The following TM9SF2 variants were observed in gnomAD, a reference collection of about 807,000 sequenced individuals.
TM9SF2 encodes 76 kDa membrane protein.
A neutral mutation model predicts 84.9 loss-of-function variants in TM9SF2; 13 were observed. The observed-to-expected ratio is 0.15, with a 90% CI of 0.10 to 0.24. TM9SF2 has a LOEUF of 0.24. Ranked by LOEUF, TM9SF2 falls within the 10% of genes least tolerant of loss-of-function variation. The pLI is 1.00. For missense variants in TM9SF2, 562 were observed against 818.5 expected (o/e 0.69, Z 3.82); for synonymous variants, 273 against 285.8 (o/e 0.96, Z 0.45).
At chr13:99,557,613 G>C (rs538328235) in intron 15 of TM9SF2, among the ~76,000 whole-genome samples, 6 of 152,240 alleles carry the variant, frequency 3.9e-5, no homozygotes, top group African/African-American at 1.2e-4. Context: ...GAGTGTGGTG[G>C]TTCACGCCTA....
rs1340492124 is a variant in TM9SF2 at position 99,563,455 on chromosome 13, G to A, written c.*697G>A. 1 of 152,118 alleles carries A rather than the reference G, an allele frequency of 6.6e-6. No homozygotes were observed. The highest frequency in any genetic ancestry group is 2.4e-5 in the African/African-American group (1 of 41,422). 9.4% of individuals were successfully genotyped at this position (152,118 alleles called of 1,614,324 possible). On this transcript the variant is annotated 3_prime_UTR_variant, in exon 17 of 17. Transcript: ENST00000376387. ...CTGTAAATACAGATCTATTTACCAA[G>A]GTGTTTTGAAATGATTTATACTATT...
At chr13:99,518,047 G>A (rs1256769141) in intron 2 of TM9SF2, among the ~76,000 whole-genome samples, 1 of 152,084 alleles carries the variant, frequency 6.6e-6, no homozygotes, top group Non-Finnish European at 1.5e-5. Context: ...TGAATAAATA[G>A]TCTAATCTAT....
chr13:99,562,608 A>G, intron 16 of TM9SF2, 83 bp from the exon 17 acceptor site: 4 of 1,364,908 alleles, frequency 2.9e-6, no homozygotes, highest in Non-Finnish European at 4.1e-6. Flanking sequence ...TTTTTAAGGA[A>G]CCAGTCATTG....
intron 11 of TM9SF2, among the ~76,000 whole-genome samples, chr13:99,547,429 TAAAG>T (rs1472559870): frequency 3.9e-5 from 6 of 152,168 alleles, no homozygotes; most frequent in Non-Finnish European, 8.8e-5. Flanking sequence ...TATAGACTAA[TAAAG>T]GAGAAAAGTA....
chr13:99,531,129 G>A (rs996967466), intron 4 of TM9SF2, among the ~76,000 whole-genome samples: 4 of 152,026 alleles, frequency 2.6e-5, no homozygotes, highest in Admixed American at 2.6e-4. Context: ...CCAAAGTGCT[G>A]GAATTATAGG....
rs116823036 is a variant in TM9SF2 at position 99,541,131 on chromosome 13, T to G, written c.908+338T>G. On this transcript the variant is annotated intron_variant, in intron 8 of 16. Coordinates refer to ENST00000376387, the MANE Select transcript of TM9SF2 (RefSeq NM_004800.3). ...TATTATTATCCCCTTCAAACATGAT[T>G]CAAAACTTTTATCTAGAGTTGTTCA... Among the ~76,000 whole-genome samples, 372 of 152,358 alleles carry G rather than the reference T, an allele frequency of 2.4e-3. 4 individuals are homozygous for G. Among genetic ancestry groups the G allele is most frequent in the African/African-American group, 8.6e-3 (359 of 41,602 alleles).
At chr13:99,512,065 T>C (rs971383372) in intron 1 of TM9SF2, among the ~76,000 whole-genome samples, 2 of 152,218 alleles carry the variant, frequency 1.3e-5, no homozygotes, top group African/African-American at 2.4e-5. Context: ...ACTGTCTTAG[T>C]GTCCTTTAAA....
chr13:99,535,695 T>A (rs1229417261), intron 4 of TM9SF2, among the ~76,000 whole-genome samples: 1 of 152,196 alleles, frequency 6.6e-6, no homozygotes, highest in Admixed American at 6.6e-5. Flanking sequence ...TAATTTTACT[T>A]CCTAAGGCAC....
rs533369749 is a variant in TM9SF2 at position 99,517,181 on chromosome 13, A to G, written c.172-433A>G. On this transcript the variant is annotated intron_variant, in intron 1 of 16. Transcript: ENST00000376387. ...CAGGCTGGAGTGCAGTGGCGCCATC[A>G]TAGCTCACTGTAACTTCAAACTCCT... is the stretch of plus-strand genomic sequence containing the variant. Among the ~76,000 whole-genome samples the G allele has an allele frequency of 5.9e-5, 9 of 152,298 alleles. No homozygotes were observed. The South Asian group carries it at 1.5e-3, about 25-fold the overall frequency.
chr13:99,512,246 G>C (rs905343177), intron 1 of TM9SF2, among the ~76,000 whole-genome samples: 1 of 152,170 alleles, frequency 6.6e-6, no homozygotes, highest in Non-Finnish European at 1.5e-5. Flanking sequence ...TAGTTATTGT[G>C]TGCCAATTAT....
At chr13:99,526,571 G>A (rs912173340) in intron 3 of TM9SF2, among the ~76,000 whole-genome samples, 3 of 152,172 alleles carry the variant, frequency 2.0e-5, no homozygotes, top group African/African-American at 7.2e-5. Context: ...ACAACGGGAG[G>A]AGGTGGTTTG....
In TM9SF2 at chr13:99,559,352, T is replaced by C. The variant is rs751566171; in HGVS notation, c.1753-11T>C. On this transcript the variant is annotated splice_polypyrimidine_tract_variant and intron_variant, in intron 15 of 16. Coordinates refer to ENST00000376387, the MANE Select transcript of TM9SF2 (RefSeq NM_004800.3). The stretch of plus-strand genomic sequence containing the variant: ...GAATGTAATTCTTGTTCTTTTTTCT[T>C]TACTACCTAGGATTATCATTGGCAA... 2.6e-6 allele frequency: 4 copies of C among 1,566,650 alleles called. No individual in the cohort carries two copies. Among genetic ancestry groups the C allele is most frequent in the Non-Finnish European group, 3.5e-6 (4 of 1,157,772 alleles).
intron 1 of TM9SF2, among the ~76,000 whole-genome samples, chr13:99,508,078 TG>T (rs1198590925): frequency 3.9e-5 from 6 of 152,196 alleles, no homozygotes; most frequent in Middle Eastern, 3.2e-3. Flanking sequence ...AAAGGAAGAC[TG>T]TAGAGTTCTA....
In TM9SF2 at chr13:99,514,616, G is replaced by A. The variant is rs7998096; in HGVS notation, c.172-2998G>A. On this transcript the variant is annotated intron_variant, in intron 1 of 16. Transcript: ENST00000376387. ...CCCTGTCGTTAAGTGACACATGGCC[G>A]TAAAGGGTGCTGAGCATCATGCTGT... Among the ~76,000 whole-genome samples, 888 of 152,334 alleles carry A rather than the reference G, an allele frequency of 5.8e-3. 5 individuals are homozygous for A. Among genetic ancestry groups the A allele is most frequent in the African/African-American group, 0.02 (852 of 41,564 alleles).
chr13:99,511,606 G>A (rs2046114012), intron 1 of TM9SF2, among the ~76,000 whole-genome samples: 2 of 152,208 alleles, frequency 1.3e-5, no homozygotes, highest in South Asian at 2.1e-4. Context: ...TCCTCAGCAT[G>A]TGTGAGATGG....
At chr13:99,545,841 A>G (rs1247015078) in intron 10 of TM9SF2, among the ~76,000 whole-genome samples, 1 of 152,172 alleles carries the variant, frequency 6.6e-6, no homozygotes, top group East Asian at 1.9e-4. Context: ...CTGGGGTTAC[A>G]GGCGTGAGCT....
At position 99,546,924 on chromosome 13, in the gene TM9SF2, C is replaced by T. The variant is rs201419420; in HGVS notation, c.1151-61C>T. On this transcript the variant is annotated intron_variant, in intron 10 of 16. Coordinates refer to ENST00000376387, the MANE Select transcript of TM9SF2 (RefSeq NM_004800.3). Reference sequence around the variant, plus strand: ...TTGAAAAATGAGAGGGTTTCTCTATCATTTCACAGCAAAGGAAACAGAGTA... The same window carrying T: ...TTGAAAAATGAGAGGGTTTCTCTATTATTTCACAGCAAAGGAAACAGAGTA... 30 of 1,597,070 alleles carry T rather than the reference C, an allele frequency of 1.9e-5. No homozygotes were observed. The East Asian group carries it at 6.5e-4, about 35-fold the overall frequency.
At chr13:99,525,847 G>A (rs186211325) in intron 3 of TM9SF2, among the ~76,000 whole-genome samples, 2 of 152,136 alleles carry the variant, frequency 1.3e-5, no homozygotes, top group African/African-American at 4.8e-5. Flanking sequence ...GAGCCACCGC[G>A]CCCGGCCAGG....
At chr13:99,539,630 G>A (rs944994592) in intron 7 of TM9SF2, 73 bp downstream of exon 7, 6 of 984,788 alleles carry the variant, frequency 6.1e-6, no homozygotes, top group African/African-American at 4.9e-5. Flanking sequence ...TAATTAAAAT[G>A]TTACTGATTA....
Sources: gnomAD v4.1 joint callset for allele counts (sites outside exome capture counted in the v4.1 genomes callset) on GRCh38, gnomAD v4.1.1 for gene constraint, MANE v1.5 for transcripts, NCBI Gene and HGNC (gene_info 2026-07-23, HGNC 2026-07-21) for gene names.